The following RFTN1 variants were observed in gnomAD, a reference collection of about 807,000 sequenced individuals.
The protein encoded by RFTN1 is raftlin, lipid raft linker 1.
In RFTN1, 26 loss-of-function variants were observed where a neutral mutation model predicts 46.5. The ratio of observed to expected loss-of-function variants is 0.56; its 90% CI spans 0.41 to 0.78. The LOEUF (loss-of-function observed/expected upper bound fraction) is 0.78, where lower values mean the gene tolerates loss of function less well. RFTN1 is among the 30% of genes least tolerant of loss of function. The pLI is 0.00. For synonymous variants in RFTN1, 261 were observed against 284.2 expected (o/e 0.92, Z 0.82); for missense variants, 693 against 718.7 (o/e 0.96, Z 0.41).
At chr3:16,347,615 T>G (rs926656174) in intron 7 of RFTN1, 5 of 152,250 alleles carry the variant, frequency 3.3e-5, no homozygotes, top group African/African-American at 1.2e-4. Flanking sequence ...CATACCCACC[T>G]CTGTGTGCAC....
rs2074156071 is a variant in RFTN1 at position 16,385,882 on chromosome 3, C to T, written c.442-7780G>A. Among the ~76,000 whole-genome samples the T allele has an allele frequency of 6.6e-6, 1 of 152,128 alleles. No individual in the cohort carries two copies. Among genetic ancestry groups the T allele is most frequent in the Non-Finnish European group, 1.5e-5 (1 of 68,030 alleles). On this transcript the variant is annotated intron_variant, in intron 4 of 9. Transcript: ENST00000334133. The surrounding 1 kb of genome is among the most constrained non-coding windows in gnomAD (Gnocchi z 5.0). ...TTCTGGAGCAAAGACGACCTTGGCC[C>T]ATGAGAACTGCCATCATCCAAGTAG...
In RFTN1 at chr3:16,459,673, T is replaced by C. The variant is rs1302140547; in HGVS notation, c.146-25636A>G. Among the ~76,000 whole-genome samples the C allele has an allele frequency of 6.6e-6, 1 of 152,178 alleles. No individual in the cohort carries two copies. Among genetic ancestry groups the C allele is most frequent in the Non-Finnish European group, 1.5e-5 (1 of 68,032 alleles). On this transcript the variant is annotated intron_variant, in intron 2 of 9. Coordinates refer to ENST00000334133, the MANE Select transcript of RFTN1 (RefSeq NM_015150.2). This position sits in a 1 kb window ranked among gnomAD's most constrained non-coding sequence, Gnocchi z 4.2. ...CTACATTCAAAATTTTCTTAAAATTTTTCTTAAAAATTCTAGTCCATGTGC... is the reference window on the plus strand; with the variant it reads ...CTACATTCAAAATTTTCTTAAAATTCTTCTTAAAAATTCTAGTCCATGTGC...
chr3:16,378,217 A>G (rs1201523626), intron 4 of RFTN1, 115 bp from the exon 5 acceptor site: 2 of 814,464 alleles, frequency 2.5e-6, no homozygotes, highest in Middle Eastern at 3.8e-4. Flanking sequence ...GGTGCAGGAG[A>G]AGAATTCCAA....
chr3:16,317,732 A>T lies in RFTN1; in HGVS notation c.1333-500T>A, dbSNP rs2125158516. On this transcript the variant is annotated intron_variant, in intron 9 of 9. Transcript: ENST00000334133. The surrounding 1 kb of genome is among the most constrained non-coding windows in gnomAD (Gnocchi z 4.3). ...GCAGACACTGTGCTGTACCGCTCAG[A>T]TCCCCCCACAGGACTGGCGGGCCCG... Among the ~76,000 whole-genome samples, 1 of 151,616 alleles carries T rather than the reference A, an allele frequency of 6.6e-6. No individual in the cohort carries two copies. Among genetic ancestry groups the T allele is most frequent in the East Asian group, 1.9e-4 (1 of 5,166 alleles).
At position 16,424,862 on chromosome 3, in the gene RFTN1, T is replaced by C. The variant is rs747647116; in HGVS notation, c.332+8989A>G. Among the ~76,000 whole-genome samples the C allele has an allele frequency of 1.3e-5, 2 of 152,152 alleles. No individual in the cohort carries two copies. The highest frequency in any genetic ancestry group is 6.5e-5 in the Admixed American group (1 of 15,268). On this transcript the variant is annotated intron_variant, in intron 3 of 9. Coordinates refer to ENST00000334133, the MANE Select transcript of RFTN1 (RefSeq NM_015150.2). The surrounding 1 kb of genome is among the most constrained non-coding windows in gnomAD (Gnocchi z 4.7). ...CTACTTCTGCATTCATATCTAAAAG[T>C]GTAAAACTCAATGACTAGTCTCATC... is the stretch of plus-strand genomic sequence containing the variant.
chr3:16,393,308 T>C (rs892882075), intron 4 of RFTN1, among the ~76,000 whole-genome samples: 1 of 152,148 alleles, frequency 6.6e-6, no homozygotes, highest in Non-Finnish European at 1.5e-5. Flanking sequence ...AGCAGATATC[T>C]AGGGATAGAT....
At chr3:16,439,491 G>A (rs2075580842) in intron 2 of RFTN1, among the ~76,000 whole-genome samples, 1 of 152,202 alleles carries the variant, frequency 6.6e-6, no homozygotes, top group African/African-American at 2.4e-5. Flanking sequence ...CTTTGGATGG[G>A]CAATTGCAAA....
At position 16,357,931 on chromosome 3, in the gene RFTN1, C is replaced by T; in HGVS notation, c.1146+1G>A. On this transcript the variant is annotated splice_donor_variant, in intron 7 of 9. Transcript: ENST00000334133. LOFTEE classifies it high-confidence loss of function. ...AGCGGGGCTGCCAACCCCACACTTA[C>T]TTCCAGGACTGTCCATTGTTCAACC... The T allele has an allele frequency of 1.3e-6, 2 of 1,599,466 alleles. No homozygotes were observed. The highest frequency in any genetic ancestry group is 8.6e-7 in the Non-Finnish European group (1 of 1,166,786).
intron 3 of RFTN1, chr3:16,416,001 GAA>G: frequency 4.4e-5 from 11 of 249,286 alleles, no homozygotes; most frequent in East Asian, 1.1e-4. Context: ...TTGGCTCCTT[GAA>G]AAAAAAAAAT....
chr3:16,477,577 A>C (rs2076302416), intron 2 of RFTN1, among the ~76,000 whole-genome samples: 1 of 152,240 alleles, frequency 6.6e-6, no homozygotes, highest in Non-Finnish European at 1.5e-5. Flanking sequence ...ACAACCTGCA[A>C]TGAATCAGGG....
At position 16,335,001 on chromosome 3, in the gene RFTN1, C is replaced by T. The variant is rs1021586580; in HGVS notation, c.1147-8125G>A. On this transcript the variant is annotated intron_variant, in intron 7 of 9. Transcript: ENST00000334133. The surrounding 1 kb of genome is among the most constrained non-coding windows in gnomAD (Gnocchi z 4.7). ...GCAGCTTCCAGAAGCTGGCAATGGT[C>T]GGTAACAGATTGTCTCCTAAAAGTC... Among the ~76,000 whole-genome samples the T allele has an allele frequency of 4.6e-5, 7 of 152,174 alleles. No individual in the cohort carries two copies. Among genetic ancestry groups the T allele is most frequent in the East Asian group, 3.9e-4 (2 of 5,192 alleles).
intron 6 of RFTN1, among the ~76,000 whole-genome samples, chr3:16,368,535 G>A (rs2073342196): frequency 6.6e-6 from 1 of 152,164 alleles, no homozygotes; most frequent in Non-Finnish European, 1.5e-5. Context: ...AGCCTGCGTG[G>A]TGGCGGGTGC....
At chr3:16,326,685 A>C (rs1388397523) in intron 8 of RFTN1, 88 bp downstream of exon 8, 1 of 962,140 alleles carries the variant, frequency 1.0e-6, no homozygotes, top group Non-Finnish European at 1.6e-6. Context: ...AGGATTAAAT[A>C]ATTTATAGAC....
Position 16,463,688 on chromosome 3 carries a change from T to C in RFTN1, c.146-29651A>G, listed in dbSNP as rs540323178. On this transcript the variant is annotated intron_variant, in intron 2 of 9. Transcript: ENST00000334133. ...ATCATCTGTGAATCTGTTTCTATCATTTGTTTTTCTCTCATTTTTGGGGAA... is the reference window on the plus strand; with the variant it reads ...ATCATCTGTGAATCTGTTTCTATCACTTGTTTTTCTCTCATTTTTGGGGAA... 5.3e-5 allele frequency among the ~76,000 whole-genome samples: 8 copies of C among 152,336 alleles called. No individual in the cohort carries two copies. In the East Asian group the frequency reaches 1.5e-3, roughly 29 times the overall value.
In RFTN1 at chr3:16,407,641, G is replaced by A. The variant is rs2074891098; in HGVS notation, c.441+1734C>T. ...ATTTTTTCCTGGTATTCGGATCATA[G>A]GGTAAATTCCACTTCTAGGATGTCC... On this transcript the variant is annotated intron_variant, in intron 4 of 9. Transcript: ENST00000334133. The surrounding 1 kb of genome is among the most constrained non-coding windows in gnomAD (Gnocchi z 4.0). Among the ~76,000 whole-genome samples the A allele has an allele frequency of 6.6e-6, 1 of 152,098 alleles. No homozygotes were observed. The highest frequency in any genetic ancestry group is 2.4e-5 in the African/African-American group (1 of 41,394).
rs2076663704 is a variant in RFTN1, at chr3:16,498,802, CTT to C, written c.-8-4927_-8-4926del. On this transcript the variant is annotated intron_variant, in intron 1 of 9. Coordinates refer to ENST00000334133, the MANE Select transcript of RFTN1 (RefSeq NM_015150.2). The surrounding 1 kb of genome is among the most constrained non-coding windows in gnomAD (Gnocchi z 5.2). ...CCCACCCCTGTCAAAATAGGAAAGACTTTTACATCATTTCAAAAATGTCTATA... is the reference window on the plus strand; with the variant it reads ...CCCACCCCTGTCAAAATAGGAAAGACTTACATCATTTCAAAAATGTCTATA... Among the ~76,000 whole-genome samples the C allele has an allele frequency of 2.0e-5, 3 of 152,152 alleles. No homozygotes were observed. The South Asian group carries it at 6.2e-4, about 32-fold the overall frequency.
intron 6 of RFTN1, among the ~76,000 whole-genome samples, chr3:16,365,600 A>G (rs1240012468): frequency 6.6e-6 from 1 of 152,224 alleles, no homozygotes; most frequent in Non-Finnish European, 1.5e-5. Flanking sequence ...CACCGGAGAA[A>G]GTCTCAAGGG....
chr3:16,358,197 C>T, intron 6 of RFTN1, 150 bp from the exon 7 acceptor site: 4 of 619,356 alleles, frequency 6.5e-6, no homozygotes, highest in Non-Finnish European at 1.2e-5. Context: ...CACACACAAG[C>T]CATAGAGTCT....
chr3:16,419,921 TGGG>T (rs974767349), intron 3 of RFTN1, among the ~76,000 whole-genome samples: 1 of 152,278 alleles, frequency 6.6e-6, no homozygotes, highest in African/African-American at 2.4e-5. Context: ...CTGGACATGA[TGGG>T]GGAGATGTGC....
Sources: gnomAD v4.1 joint callset for allele counts (sites outside exome capture counted in the v4.1 genomes callset) on GRCh38, gnomAD v4.1.1 for gene constraint, Gnocchi (gnomAD v3.1) non-coding constraint, MANE v1.5 for transcripts, NCBI Gene and HGNC (gene_info 2026-07-23, HGNC 2026-07-21) for gene names.